The following NKAIN2 variants were observed in gnomAD, a reference collection of about 807,000 sequenced individuals.
NKAIN2 encodes sodium/potassium transporting ATPase interacting 2, also known as sodium/potassium-transporting ATPase subunit beta-1-interacting protein 2.
In NKAIN2, 14 loss-of-function variants were observed where a neutral mutation model predicts 32.6. That is an observed-to-expected ratio of 0.43 (90% CI 0.28 to 0.67). The LOEUF (loss-of-function observed/expected upper bound fraction) is 0.67. NKAIN2 is among the 30% of genes least tolerant of loss of function. NKAIN2 has a pLI of 0.17. For synonymous variants in NKAIN2, 80 were observed against 87.2 expected (o/e 0.92, Z 0.46); for missense variants, 198 against 258.3 (o/e 0.77, Z 1.60).
intron 1 of NKAIN2, among the ~76,000 whole-genome samples, chr6:124,246,706 G>C (rs745695812): frequency 2.0e-5 from 3 of 151,984 alleles, no homozygotes; most frequent in Non-Finnish European, 4.4e-5. Flanking sequence ...GAAAAGTTCT[G>C]TCGATTGTTT....
chr6:124,279,424 G>A (rs980120588), intron 1 of NKAIN2, among the ~76,000 whole-genome samples: 8 of 150,248 alleles, frequency 5.3e-5, no homozygotes, highest in South Asian at 2.1e-4. Flanking sequence ...GGAGAATGGC[G>A]TGAACCTGGG....
At chr6:124,291,195 T>C (rs948820609) in intron 2 of NKAIN2, among the ~76,000 whole-genome samples, 4 of 152,140 alleles carry the variant, frequency 2.6e-5, no homozygotes, top group Non-Finnish European at 5.9e-5. Flanking sequence ...AACACTGAAG[T>C]AATTGTTCAC....
At chr6:124,637,007 T>A (rs141605037) in intron 3 of NKAIN2, among the ~76,000 whole-genome samples, 242 of 152,146 alleles carry the variant, frequency 1.6e-3, no homozygotes, top group Middle Eastern at 3.4e-3. Flanking sequence ...ACTAGGAAAC[T>A]GAATATAACA....
chr6:124,140,149 A>G (rs1787063042), intron 1 of NKAIN2, among the ~76,000 whole-genome samples: 1 of 152,204 alleles, frequency 6.6e-6, no homozygotes, highest in Non-Finnish European at 1.5e-5. Flanking sequence ...ACAGCATAGC[A>G]TCACATGTTC....
intron 3 of NKAIN2, among the ~76,000 whole-genome samples, chr6:124,407,457 G>C (rs1443334699): frequency 4.0e-5 from 6 of 150,286 alleles, no homozygotes; most frequent in African/African-American, 7.4e-5. Flanking sequence ...TTGGTTTTTT[G>C]TCCTTGCAAT....
chr6:123,866,847 C>A (rs1772547435), intron 1 of NKAIN2, among the ~76,000 whole-genome samples: 1 of 152,200 alleles, frequency 6.6e-6, no homozygotes, highest in South Asian at 2.1e-4. Flanking sequence ...TGCTCTCCCT[C>A]TCTGGATTGC....
intron 2 of NKAIN2, among the ~76,000 whole-genome samples, chr6:124,300,160 A>C (rs560436366): frequency 6.6e-6 from 1 of 152,222 alleles, no homozygotes; most frequent in East Asian, 1.9e-4. Flanking sequence ...AATTGTAATA[A>C]TCCCCATGTG....
chr6:124,475,386 T>G (rs530324349), intron 3 of NKAIN2, among the ~76,000 whole-genome samples: 2 of 151,656 alleles, frequency 1.3e-5, no homozygotes, highest in Non-Finnish European at 2.9e-5. Context: ...AACATAACAG[T>G]TTTTTTTAAG....
At chr6:124,818,204 G>C (rs1402190004) in intron 5 of NKAIN2, among the ~76,000 whole-genome samples, 183 bp from the exon 6 acceptor site, 1 of 152,004 alleles carries the variant, frequency 6.6e-6, no homozygotes, top group East Asian at 1.9e-4. Flanking sequence ...GGGGAGGGGG[G>C]CAGCGGAATC....
At chr6:123,975,257 G>A (rs1354819585) in intron 1 of NKAIN2, among the ~76,000 whole-genome samples, 1 of 151,936 alleles carries the variant, frequency 6.6e-6, no homozygotes, top group Non-Finnish European at 1.5e-5. Flanking sequence ...GTTTTTAAAG[G>A]GAAGAAAAAT....
intron 1 of NKAIN2, among the ~76,000 whole-genome samples, chr6:123,911,232 G>A (rs544336548): frequency 6.6e-6 from 1 of 152,222 alleles, no homozygotes; most frequent in African/African-American, 2.4e-5. Context: ...GAATACCTGA[G>A]GTTGGATAAT....
chr6:124,267,576 T>G (rs1794560472), intron 1 of NKAIN2, among the ~76,000 whole-genome samples: 1 of 151,696 alleles, frequency 6.6e-6, no homozygotes, highest in Admixed American at 6.6e-5. Flanking sequence ...GATAATGGTA[T>G]AATACAGTGG....
intron 1 of NKAIN2, among the ~76,000 whole-genome samples, chr6:124,203,913 A>G (rs1314820279): frequency 1.3e-5 from 2 of 151,868 alleles, no homozygotes; most frequent in African/African-American, 4.8e-5. Flanking sequence ...ATACATGTGT[A>G]AAACTGCTAA....
intron 1 of NKAIN2, among the ~76,000 whole-genome samples, chr6:124,169,371 G>C (rs866305712): frequency 6.6e-6 from 1 of 152,092 alleles, no homozygotes; most frequent in Non-Finnish European, 1.5e-5. Context: ...TGCAATCAAA[G>C]TAGATAAAGA....
Position 124,645,538 on chromosome 6 carries a change from T to G in NKAIN2, c.274-12648T>G, listed in dbSNP as rs543659540. The stretch of plus-strand genomic sequence containing the variant: ...AATGCTGTGGTTTGGTGCCTAATAA[T>G]AAGAAGACTTGCAGACCCAAAGCAA... On this transcript the variant is annotated intron_variant, in intron 3 of 6. Transcript: ENST00000368417. 3.3e-5 allele frequency among the ~76,000 whole-genome samples: 5 copies of G among 152,288 alleles called. No individual in the cohort carries two copies. In the East Asian group the frequency reaches 5.8e-4, roughly 18 times the overall value.
At chr6:124,145,741 G>A (rs1005592832) in intron 1 of NKAIN2, among the ~76,000 whole-genome samples, 4 of 151,998 alleles carry the variant, frequency 2.6e-5, no homozygotes, top group African/African-American at 9.7e-5. Flanking sequence ...TCATGACCTC[G>A]TGATCCACCC....
intron 1 of NKAIN2, among the ~76,000 whole-genome samples, chr6:124,125,817 A>T (rs887238873): frequency 3.3e-5 from 5 of 152,154 alleles, no homozygotes; most frequent in African/African-American, 1.2e-4. Context: ...CTGTGTTTTC[A>T]TCCTCTTCTG....
rs376772634 is a variant in NKAIN2, at chr6:124,616,173, T to C, written c.274-42013T>C. On this transcript the variant is annotated intron_variant, in intron 3 of 6. Coordinates refer to ENST00000368417, the MANE Select transcript of NKAIN2 (RefSeq NM_001040214.3). ...TCTTCTGGCTGGAAACTCTGCATGT[T>C]TTATACACTACATGCAGCATTCCCT... is the stretch of plus-strand genomic sequence containing the variant. Among the ~76,000 whole-genome samples, 33 of 152,202 alleles carry C rather than the reference T, an allele frequency of 2.2e-4. No individual in the cohort carries two copies. In the South Asian group the frequency reaches 6.6e-3, roughly 31 times the overall value.
chr6:123,905,035 A>G (rs934228482), intron 1 of NKAIN2, among the ~76,000 whole-genome samples: 2 of 152,216 alleles, frequency 1.3e-5, no homozygotes, highest in African/African-American at 4.8e-5. Context: ...ATTTTGAAAA[A>G]CTAGAAAATG....
Sources: gnomAD v4.1 joint callset for allele counts (sites outside exome capture counted in the v4.1 genomes callset) on GRCh38, gnomAD v4.1.1 for gene constraint, MANE v1.5 for transcripts, NCBI Gene and HGNC (gene_info 2026-07-23, HGNC 2026-07-21) for gene names.